Variants in RASSF8 observed in about 807,000 individuals in gnomAD.
The protein encoded by RASSF8 is Ras association domain family member 8.
RASSF8 carries 22 observed loss-of-function variants against 48.5 expected under a neutral mutation model. That is an observed-to-expected ratio of 0.45 (90% confidence interval 0.32 to 0.65). The LOEUF (loss-of-function observed/expected upper bound fraction) is 0.65, where lower values mean the gene tolerates loss of function less well. RASSF8 is among the 30% of genes least tolerant of loss of function. The pLI, the probability that RASSF8 is intolerant of heterozygous loss-of-function variation, is 0.03. For synonymous variants in RASSF8, 127 were observed against 171.5 expected (o/e 0.74, Z 2.03); for missense variants, 418 against 489.2 (o/e 0.85, Z 1.37).
At chr12:26,042,763 T>C (rs543829155) in intron 2 of RASSF8, among the ~76,000 whole-genome samples, 260 of 152,310 alleles carry the variant, frequency 1.7e-3, no homozygotes, top group Non-Finnish European at 2.1e-3. Context: ...AACCACAAAT[T>C]GTAGGTTAGA....
intron 3 of RASSF8, among the ~76,000 whole-genome samples, chr12:26,060,373 T>C (rs939292938): frequency 6.6e-6 from 1 of 152,214 alleles, no homozygotes; most frequent in Non-Finnish European, 1.5e-5. Flanking sequence ...ATCACTGTTA[T>C]TCTAAGATAT....
At chr12:26,059,678 A>T (rs1027428086) in intron 3 of RASSF8, among the ~76,000 whole-genome samples, 1 of 152,098 alleles carries the variant, frequency 6.6e-6, no homozygotes, top group Admixed American at 6.6e-5. Context: ...CAATAGTCTA[A>T]TTTTTTATTT....
At chr12:26,073,196 C>T (rs751091371), downstream of RASSF8, among the ~76,000 whole-genome samples, 5 of 152,254 alleles carry the variant, frequency 3.3e-5, no homozygotes, top group East Asian at 1.9e-4. Context: ...TATGGGGCAC[C>T]GGTCACACTT....
At chr12:26,051,477 TTC>T in intron 2 of RASSF8, among the ~76,000 whole-genome samples, 1 of 152,346 alleles carries the variant, frequency 6.6e-6, no homozygotes, top group African/African-American at 2.4e-5. Flanking sequence ...ATGTGTTTTT[TTC>T]TGTTTAAAGA....
intron 2 of RASSF8, among the ~76,000 whole-genome samples, chr12:26,034,648 C>T (rs1943095295): frequency 6.6e-6 from 1 of 152,082 alleles, no homozygotes; most frequent in African/African-American, 2.4e-5. Context: ...TAAGTAACTC[C>T]TATTCCTTTT....
chr12:26,052,666 T>C (rs140052462), intron 2 of RASSF8: 20 of 152,302 alleles, frequency 1.3e-4, no homozygotes, highest in African/African-American at 4.8e-4. Flanking sequence ...TTGGAGTTGA[T>C]ATAAAGATCA....
chr12:26,067,585 T>G lies in RASSF8; in HGVS notation c.1010T>G (p.Leu337Arg). Residue 337 changes from leucine to arginine, a missense_variant, in exon 5 of 6, where the codon CTG (leucine) becomes CGG (arginine). Leu to Arg is a moderately radical substitution (Grantham distance 102, BLOSUM62 -2). Coordinates refer to ENST00000689635, the MANE Select transcript of RASSF8 (RefSeq NM_001394098.1). ...TKRLQDKEQELEQLTKELRQV... is the reference protein window; with the variant it reads ...TKRLQDKEQEREQLTKELRQV... Reference sequence around the variant, plus strand: ...TCCATCTAGGACAAAGAACAGGAACTGGAGCAGTTGACTAAGGAGTTGCGG... The same window carrying G: ...TCCATCTAGGACAAAGAACAGGAACGGGAGCAGTTGACTAAGGAGTTGCGG... 6.2e-7 allele frequency: 1 copy of G among 1,613,710 alleles called. No individual in the cohort carries two copies. The highest frequency in any genetic ancestry group is 8.5e-7 in the Non-Finnish European group (1 of 1,179,742).
intron 1 of RASSF8, among the ~76,000 whole-genome samples, chr12:25,977,457 C>G (rs61914211): frequency 6.6e-6 from 1 of 152,048 alleles, no homozygotes; most frequent in African/African-American, 2.4e-5. Flanking sequence ...CCTACTAAGT[C>G]TCTTTCATTT....
At chr12:26,063,243 A>T (rs1943785891) in intron 3 of RASSF8, among the ~76,000 whole-genome samples, 1 of 148,528 alleles carries the variant, frequency 6.7e-6, no homozygotes, top group African/African-American at 2.4e-5. Context: ...ACAAAATTTA[A>T]ATAATCTATC....
intron 3 of RASSF8, among the ~76,000 whole-genome samples, chr12:26,060,970 T>G (rs1431978365): frequency 6.6e-6 from 1 of 152,170 alleles, no homozygotes. Context: ...GATTTGGTAC[T>G]GAAGAAAATA....
At chr12:26,031,627 G>A (rs1943032841) in intron 2 of RASSF8, among the ~76,000 whole-genome samples, 1 of 152,164 alleles carries the variant, frequency 6.6e-6, no homozygotes, top group African/African-American at 2.4e-5. Context: ...GCTGTTGGCA[G>A]TAAGAATGGT....
intron 2 of RASSF8, among the ~76,000 whole-genome samples, chr12:26,012,332 G>A (rs1165948571): frequency 6.6e-6 from 1 of 152,168 alleles, no homozygotes; most frequent in Non-Finnish European, 1.5e-5. Flanking sequence ...AAAGCTCTCA[G>A]GCATTTAATA....
rs369299521 is a variant in RASSF8 at position 26,067,732 on chromosome 12, T to C, written c.1138+19T>C. On this transcript the variant is annotated intron_variant, in intron 5 of 5. Coordinates refer to ENST00000689635, the MANE Select transcript of RASSF8 (RefSeq NM_001394098.1). ...GAAAGGGGTAAGATGTTGATAAATA[T>C]GGTTTATTTTCCCTTTATTCTCACT... 7 of 1,613,436 alleles carry C rather than the reference T, an allele frequency of 4.3e-6. No homozygotes were observed. Among genetic ancestry groups the C allele is most frequent in the South Asian group, 1.1e-5 (1 of 91,038 alleles).
chr12:25,963,695 C>G (rs1045409209), intron 1 of RASSF8, among the ~76,000 whole-genome samples: 2 of 152,106 alleles, frequency 1.3e-5, no homozygotes, highest in Admixed American at 6.5e-5. Flanking sequence ...AAACTGTGAT[C>G]CTTTGAGTGG....
At chr12:25,984,412 G>A (rs1033693571) in intron 1 of RASSF8, among the ~76,000 whole-genome samples, 1 of 151,470 alleles carries the variant, frequency 6.6e-6, no homozygotes, top group Non-Finnish European at 1.5e-5. Flanking sequence ...GCACGATCTC[G>A]GCTCACTGCA....
chr12:26,072,542 G>A lies in RASSF8; in HGVS notation c.*3724G>A. 1.0e-6 allele frequency: 1 copy of A among 983,654 alleles called. No homozygotes were observed. The highest frequency in any genetic ancestry group is 1.2e-6 in the Non-Finnish European group (1 of 828,390). 60.9% of individuals were successfully genotyped at this position (983,654 alleles called of 1,614,324 possible). On this transcript the variant is annotated 3_prime_UTR_variant, in exon 6 of 6. Transcript: ENST00000689635. ...TATATACATATATATGGGGGGAGGGGAAAGATTAAAAAATAGATTTACAGC... is the reference window on the plus strand; with the variant it reads ...TATATACATATATATGGGGGGAGGGAAAAGATTAAAAAATAGATTTACAGC...
At chr12:26,043,718 A>G (rs996303835) in intron 2 of RASSF8, among the ~76,000 whole-genome samples, 4 of 152,220 alleles carry the variant, frequency 2.6e-5, no homozygotes, top group African/African-American at 9.6e-5. Context: ...TGGTTTGTTT[A>G]TTCAATGGAA....
chr12:26,068,880 G>C lies in RASSF8; in HGVS notation c.*62G>C, dbSNP rs56249046. 22,160 of 1,521,346 alleles carry C rather than the reference G, an allele frequency of 0.015. 206 individuals carry two copies. Among genetic ancestry groups the C allele is most frequent in the Middle Eastern group, 0.018 (89 of 5,070 alleles). 94.2% of individuals were successfully genotyped at this position (1,521,346 alleles called of 1,614,324 possible). On this transcript the variant is annotated 3_prime_UTR_variant, in exon 6 of 6. Transcript: ENST00000689635. ...ACCAAGGACAGTAAACTTCCTTTTT[G>C]ATTTGTGCCAATGATGAACAGAGGA...
intron 2 of RASSF8, among the ~76,000 whole-genome samples, chr12:26,031,605 T>A (rs556097505): frequency 6.6e-6 from 1 of 152,162 alleles, no homozygotes; most frequent in African/African-American, 2.4e-5. Flanking sequence ...ATGATAAAGG[T>A]TTGGAACTAT....
Sources: gnomAD v4.1 joint callset for allele counts (sites outside exome capture counted in the v4.1 genomes callset) on GRCh38, gnomAD v4.1.1 for gene constraint, MANE v1.5 for transcripts, NCBI Gene and HGNC (gene_info 2026-07-23, HGNC 2026-07-21) for gene names.